CADM2: variants seen among roughly 807,000 people sequenced by gnomAD.
The protein encoded by CADM2 is immunoglobulin superfamily member 4D.
CADM2 carries 12 observed loss-of-function variants against 49.8 expected under a neutral mutation model. That is an observed-to-expected ratio of 0.24 (90% CI 0.15 to 0.39). The LOEUF is 0.39. Ranked by LOEUF, CADM2 falls within the 10% of genes least tolerant of loss-of-function variation. CADM2 has a pLI of 1.00. For synonymous variants in CADM2, 214 were observed against 175.4 expected, an observed-to-expected ratio of 1.22 and a Z score of -1.74; for missense variants, 378 against 492.3, an observed-to-expected ratio of 0.77 and a Z score of 2.20.
chr3:85,045,578 A>G (rs1445827297), intron 1 of CADM2, among the ~76,000 whole-genome samples: 1 of 152,154 alleles, frequency 6.6e-6, no homozygotes, highest in African/African-American at 2.4e-5. Flanking sequence ...AATGTTCCAA[A>G]TCAGTGAATA....
chr3:85,866,157 T>C (rs1337255886), intron 3 of CADM2, among the ~76,000 whole-genome samples: 1 of 152,002 alleles, frequency 6.6e-6, no homozygotes, highest in African/African-American at 2.4e-5. Context: ...ATAATAATGA[T>C]AGAAGAAAAA....
At chr3:85,915,453 G>A (rs1204400559) in intron 6 of CADM2, among the ~76,000 whole-genome samples, 4 of 152,050 alleles carry the variant, frequency 2.6e-5, no homozygotes, top group South Asian at 2.1e-4. Context: ...TTCTTTAAGC[G>A]TGCAGAACAT....
chr3:85,487,633 G>C (rs1011309329), intron 1 of CADM2, among the ~76,000 whole-genome samples: 2 of 138,286 alleles, frequency 1.4e-5, no homozygotes, highest in East Asian at 2.6e-4. Flanking sequence ...TGGAGGAGGA[G>C]GACGAAGAGG....
intron 1 of CADM2, among the ~76,000 whole-genome samples, chr3:85,438,453 A>T (rs2107536796): frequency 6.6e-6 from 1 of 152,218 alleles, no homozygotes; most frequent in East Asian, 1.9e-4. Context: ...AACCAAAGTT[A>T]TGGTTAGTGA....
intron 1 of CADM2, among the ~76,000 whole-genome samples, chr3:85,262,506 A>G (rs533589570): frequency 4.5e-4 from 69 of 152,232 alleles, no homozygotes; most frequent in African/African-American, 1.6e-3. Context: ...AAAATTCATA[A>G]TAAAGCCATG....
intron 3 of CADM2, among the ~76,000 whole-genome samples, chr3:85,847,752 A>G (rs1234170730): frequency 6.6e-6 from 1 of 152,148 alleles, no homozygotes; most frequent in Non-Finnish European, 1.5e-5. Context: ...ATCCCTTAAA[A>G]GGCCCATTAA....
At chr3:85,141,025 TAGTC>T (rs2039561177) in intron 1 of CADM2, among the ~76,000 whole-genome samples, 3 of 152,330 alleles carry the variant, frequency 2.0e-5, no homozygotes, top group African/African-American at 7.2e-5. Context: ...AAGGTAAATT[TAGTC>T]AGAGACTAAA....
At chr3:85,552,645 G>T (rs1559905220) in intron 1 of CADM2, among the ~76,000 whole-genome samples, 2 of 151,356 alleles carry the variant, frequency 1.3e-5, no homozygotes, top group Non-Finnish European at 2.9e-5. Context: ...CTACCAAAGT[G>T]TTGGGATTAC....
intron 6 of CADM2, among the ~76,000 whole-genome samples, chr3:85,918,629 T>A (rs1245441937): frequency 6.6e-6 from 1 of 152,114 alleles, no homozygotes; most frequent in African/African-American, 2.4e-5. Context: ...TTTTGTTGTG[T>A]CTCTGCCAGG....
chr3:85,212,864 T>TCTCTCTCTCTCTCTC (rs1220821527), intron 1 of CADM2, among the ~76,000 whole-genome samples: 3 of 107,258 alleles, frequency 2.8e-5, no homozygotes, highest in Non-Finnish European at 6.2e-5. Flanking sequence ...CTTTCTTTCT[T>TCTCTCTCTCTCTCTC]TCTTTCTTTC....
At chr3:85,592,135 G>T (rs145566821) in intron 1 of CADM2, among the ~76,000 whole-genome samples, 4 of 151,874 alleles carry the variant, frequency 2.6e-5, no homozygotes, top group South Asian at 4.2e-4. Context: ...ATTTAAAAAA[G>T]GATGAATTAA....
intron 5 of CADM2, among the ~76,000 whole-genome samples, chr3:85,905,055 T>C (rs1716615614): frequency 6.6e-6 from 1 of 152,170 alleles, no homozygotes; most frequent in South Asian, 2.1e-4. Flanking sequence ...AGGTATATTT[T>C]TAACTTGGTA....
At chr3:85,978,044 C>T (rs769461029) in intron 8 of CADM2, among the ~76,000 whole-genome samples, 12 of 151,548 alleles carry the variant, frequency 7.9e-5, no homozygotes, top group South Asian at 4.1e-4. Context: ...GTCAAACACT[C>T]GGAATATATG....
chr3:85,076,345 G>GTGTGC, intron 1 of CADM2, among the ~76,000 whole-genome samples: 1 of 150,578 alleles, frequency 6.6e-6, no homozygotes, highest in Non-Finnish European at 1.5e-5. Flanking sequence ...GTGTGGTGTG[G>GTGTGC]TGTGCATGGT....
chr3:85,500,167 C>T (rs2040056591), intron 1 of CADM2, among the ~76,000 whole-genome samples: 2 of 152,208 alleles, frequency 1.3e-5, no homozygotes, highest in South Asian at 4.1e-4. Context: ...TCAGTTTTTC[C>T]TAACATTCTG....
chr3:84,997,648 T>C (rs2033249264), intron 1 of CADM2, among the ~76,000 whole-genome samples: 2 of 151,988 alleles, frequency 1.3e-5, no homozygotes, highest in African/African-American at 4.8e-5. Flanking sequence ...CTAGAAAGTA[T>C]TAATTTGTGT....
At position 86,072,656 on chromosome 3, in the gene CADM2, A is replaced by G. The variant is rs1172655457; in HGVS notation, c.*5873A>G. On this transcript the variant is annotated 3_prime_UTR_variant, in exon 10 of 10. Transcript: ENST00000383699. Reference sequence around the variant, plus strand: ...AACCTCAAATGCTTTCTTTCTTCAGATGCTTTTTCGTGTACATGATACTAG... The same window carrying G: ...AACCTCAAATGCTTTCTTTCTTCAGGTGCTTTTTCGTGTACATGATACTAG... 1 of 152,010 alleles carries G rather than the reference A, an allele frequency of 6.6e-6. No individual in the cohort carries two copies. Among genetic ancestry groups the G allele is most frequent in the Admixed American group, 6.6e-5 (1 of 15,224 alleles). 9.4% of individuals were successfully genotyped at this position (152,010 alleles called of 1,614,324 possible).
chr3:86,018,350 G>T (rs2106993538), intron 8 of CADM2, among the ~76,000 whole-genome samples: 1 of 147,982 alleles, frequency 6.8e-6, no homozygotes, highest in Non-Finnish European at 1.5e-5. Flanking sequence ...GTGTGCATGT[G>T]TCTTTATAGC....
chr3:85,841,791 A>T (rs1326993469), intron 3 of CADM2, among the ~76,000 whole-genome samples: 1 of 152,034 alleles, frequency 6.6e-6, no homozygotes, highest in African/African-American at 2.4e-5. Flanking sequence ...TCTTTGTTTA[A>T]TATTTAATAT....
Sources: gnomAD v4.1 joint callset for allele counts (sites outside exome capture counted in the v4.1 genomes callset) on GRCh38, gnomAD v4.1.1 for gene constraint, MANE v1.5 for transcripts, NCBI Gene and HGNC (gene_info 2026-07-23, HGNC 2026-07-21) for gene names.